CACNA1A: variants seen among roughly 807,000 people sequenced by gnomAD.
CACNA1A encodes the protein calcium voltage-gated channel subunit alpha1 A, also known as voltage-dependent P/Q-type calcium channel subunit alpha-1A.
In CACNA1A, 57 loss-of-function variants were observed where a neutral mutation model predicts 262.4. That is an observed-to-expected ratio of 0.22 (90% CI 0.18 to 0.27). The LOEUF (loss-of-function observed/expected upper bound fraction) is 0.27, where lower values mean the gene tolerates loss of function less well. Among genes scored for constraint, CACNA1A ranks in the 10% least tolerant of loss-of-function variants. CACNA1A has a pLI of 1.00. For synonymous variants in CACNA1A, 1,431 were observed against 1,419.3 expected (o/e 1.01, Z -0.18); for missense variants, 2,526 against 3,562.8 (o/e 0.71, Z 7.41).
chr19:13,466,523 T>C (rs2061242359), intron 1 of CACNA1A, among the ~76,000 whole-genome samples: 1 of 152,056 alleles, frequency 6.6e-6, no homozygotes, highest in South Asian at 2.1e-4. Context: ...GCATTTTTAG[T>C]AGAGTTGGGG....
chr19:13,444,246 T>C (rs1364271622), intron 3 of CACNA1A, among the ~76,000 whole-genome samples: 1 of 152,264 alleles, frequency 6.6e-6, no homozygotes, highest in Middle Eastern at 3.4e-3. Flanking sequence ...GACTGATCCA[T>C]GGAGGGGAGA....
intron 24 of CACNA1A, among the ~76,000 whole-genome samples, chr19:13,264,360 G>A (rs1009070346): frequency 1.3e-5 from 2 of 152,054 alleles, no homozygotes; most frequent in South Asian, 2.1e-4. Context: ...CCCCTCACCC[G>A]TCTCCCAACT....
chr19:13,260,328 A>ATT (rs1280105746), intron 26 of CACNA1A: 2 of 75,648 alleles, frequency 2.6e-5, no homozygotes, highest in African/African-American at 9.0e-5. Context: ...ATATATATAT[A>ATT]TATATTTTTG....
At chr19:13,429,213 T>C (rs968266788) in intron 3 of CACNA1A, among the ~76,000 whole-genome samples, 2 of 149,828 alleles carry the variant, frequency 1.3e-5, no homozygotes, top group African/African-American at 5.0e-5. Flanking sequence ...CACACCCCTC[T>C]TTCTCTCTCT....
chr19:13,259,273 G>C lies in CACNA1A; in HGVS notation c.4388+291C>G, dbSNP rs567132653. ...TGATTCTCGTGTCTCAGCCTCCTGA[G>C]TAGCCGGGACCACAGGTGTGAGCCA... On this transcript the variant is annotated intron_variant, in intron 27 of 46. Transcript: ENST00000360228. 1.3e-3 allele frequency: 237 copies of C among 186,186 alleles called. 3 individuals carry two copies. The highest frequency in any genetic ancestry group is 4.2e-3 in the Middle Eastern group (2 of 472). The allele number at this position is 186,186 out of a possible 1,614,324, so 11.5% of individuals were successfully genotyped here.
At chr19:13,505,879 C>G (rs16003) in intron 1 of CACNA1A, 53 bp downstream of exon 1, 6 of 1,551,960 alleles carry the variant, frequency 3.9e-6, no homozygotes, top group South Asian at 1.2e-5. Context: ...AGAGGGGAGG[C>G]GGAGGGAGGA....
intron 3 of CACNA1A, among the ~76,000 whole-genome samples, chr19:13,385,560 T>A (rs1056073415): frequency 6.6e-6 from 1 of 152,196 alleles, no homozygotes; most frequent in Non-Finnish European, 1.5e-5. Flanking sequence ...AGTCCTAGTA[T>A]GCTGCCCAGG....
In CACNA1A at chr19:13,234,006, C is replaced by T. The variant is rs181248965; in HGVS notation, c.5249+915G>A. Among the ~76,000 whole-genome samples the T allele has an allele frequency of 4.3e-3, 628 of 147,606 alleles. 4 individuals carry two copies. Among genetic ancestry groups the T allele is most frequent in the African/African-American group, 0.015 (595 of 39,736 alleles). Reference sequence around the variant, plus strand: ...AGGAGCTTGCAGTGAGCCGAGATGGCGCCACTGCACTCCAGCCTGGGCAAC... The same window carrying T: ...AGGAGCTTGCAGTGAGCCGAGATGGTGCCACTGCACTCCAGCCTGGGCAAC... On this transcript the variant is annotated intron_variant, in intron 34 of 46. Transcript: ENST00000360228.
chr19:13,398,171 G>A (rs2059841145), intron 3 of CACNA1A, among the ~76,000 whole-genome samples: 1 of 151,910 alleles, frequency 6.6e-6, no homozygotes, highest in East Asian at 1.9e-4. Flanking sequence ...GCTGAGTCAG[G>A]AGAATGCTTG....
chr19:13,471,770 G>A (rs2145038392), intron 1 of CACNA1A, among the ~76,000 whole-genome samples: 1 of 152,268 alleles, frequency 6.6e-6, no homozygotes, highest in South Asian at 2.1e-4. Context: ...GGAGTGGTGG[G>A]GGTTGGGGGG....
intron 11 of CACNA1A, among the ~76,000 whole-genome samples, chr19:13,313,327 C>T (rs1358773019): frequency 6.6e-6 from 1 of 151,782 alleles, no homozygotes; most frequent in Non-Finnish European, 1.5e-5. Flanking sequence ...CATGGCAAAC[C>T]CCGCCTCTAC....
intron 3 of CACNA1A, among the ~76,000 whole-genome samples, chr19:13,397,131 G>A (rs991212351): frequency 2.6e-5 from 4 of 152,108 alleles, no homozygotes; most frequent in African/African-American, 9.7e-5. Context: ...GTATGAGGTG[G>A]GAGGAATGAA....
At chr19:13,339,031 A>T (rs1206635362) in intron 6 of CACNA1A, among the ~76,000 whole-genome samples, 2 of 151,912 alleles carry the variant, frequency 1.3e-5, no homozygotes, top group East Asian at 3.9e-4. Context: ...ATGCCTGGCT[A>T]ATTTTTGTAT....
At position 13,410,544 on chromosome 19, in the gene CACNA1A, T is replaced by C. The variant is rs10421818; in HGVS notation, c.540-38765A>G. Among the ~76,000 whole-genome samples the C allele has an allele frequency of 1.4e-3, 136 of 97,772 alleles. 1 individual carries two copies. Among genetic ancestry groups the C allele is most frequent in the African/African-American group, 0.011 (113 of 10,014 alleles). The allele number at this position is 97,772 out of a possible 152,430, so 64.1% of individuals were successfully genotyped here. A position where few individuals can be genotyped will look rare whatever the true frequency, so the allele number is the denominator to read the frequency against. The stretch of plus-strand genomic sequence containing the variant: ...TTTTTTTCTTTATTCTTTTTTCTTT[T>C]TTTTTTTTTTTTTAAGGGAAACAAA... On this transcript the variant is annotated intron_variant, in intron 3 of 46. Coordinates refer to ENST00000360228, the MANE Select transcript of CACNA1A (RefSeq NM_001127222.2).
chr19:13,477,830 A>C (rs887416522), intron 1 of CACNA1A, among the ~76,000 whole-genome samples: 1 of 152,126 alleles, frequency 6.6e-6, no homozygotes, highest in Non-Finnish European at 1.5e-5. Flanking sequence ...CCGCCTTTCC[A>C]TTATGCAACT....
At chr19:13,403,968 A>G (rs2144707132) in intron 3 of CACNA1A, among the ~76,000 whole-genome samples, 1 of 152,160 alleles carries the variant, frequency 6.6e-6, no homozygotes, top group East Asian at 1.9e-4. Flanking sequence ...AAAAGAAAAA[A>G]AAAGTTGGTA....
At chr19:13,437,793 C>A (rs1422898533) in intron 3 of CACNA1A, among the ~76,000 whole-genome samples, 1 of 152,018 alleles carries the variant, frequency 6.6e-6, no homozygotes, top group African/African-American at 2.4e-5. Context: ...CCTCTGCCCC[C>A]ACCTGAGCCC....
At chr19:13,476,467 T>C (rs1341177948) in intron 1 of CACNA1A, among the ~76,000 whole-genome samples, 1 of 152,178 alleles carries the variant, frequency 6.6e-6, no homozygotes, top group Non-Finnish European at 1.5e-5. Context: ...CATGAATGCA[T>C]TGAGCCCTCA....
intron 1 of CACNA1A, among the ~76,000 whole-genome samples, chr19:13,470,939 A>T (rs2061337073): frequency 6.6e-6 from 1 of 152,164 alleles, no homozygotes; most frequent in South Asian, 2.1e-4. Context: ...GTGGCTTAAA[A>T]CAACAGAAAT....
Sources: gnomAD v4.1 joint callset for allele counts (sites outside exome capture counted in the v4.1 genomes callset) on GRCh38, gnomAD v4.1.1 for gene constraint, MANE v1.5 for transcripts, NCBI Gene and HGNC (gene_info 2026-07-23, HGNC 2026-07-21) for gene names.